Variants in SCD5 observed in about 807,000 individuals in gnomAD.
SCD5 encodes the protein acyl-CoA-desaturase 4.
In SCD5, 20 loss-of-function variants were observed where a neutral mutation model predicts 30.4. The ratio of observed to expected loss-of-function variants is 0.66; its 90% CI spans 0.46 to 0.96. The LOEUF (loss-of-function observed/expected upper bound fraction) is 0.96. SCD5 is among the 40% of genes least tolerant of loss of function. The pLI, the probability that SCD5 is intolerant of heterozygous loss-of-function variation, is 0.00. For synonymous variants in SCD5, 173 were observed against 176.4 expected (o/e 0.98, Z 0.16); for missense variants, 381 against 443.3 (o/e 0.86, Z 1.26).
At chr4:82,730,401 A>AT (rs1443466561) in intron 1 of SCD5, among the ~76,000 whole-genome samples, 1 of 150,522 alleles carries the variant, frequency 6.6e-6, no homozygotes, top group African/African-American at 2.4e-5. Context: ...GGTTCAAGCA[A>AT]TTCTCCTGCC....
intron 2 of SCD5, among the ~76,000 whole-genome samples, chr4:82,683,040 T>C (rs947240926): frequency 1.3e-5 from 2 of 152,120 alleles, no homozygotes; most frequent in Admixed American, 1.3e-4. Context: ...GGTCGAAAAT[T>C]TTAAAAATCC....
In SCD5 at chr4:82,649,180, GGTGTGTGTGTGT is replaced by G. The variant is rs55991339; in HGVS notation, c.570-12369_570-12358del. On this transcript the variant is annotated intron_variant, in intron 3 of 4. Coordinates refer to ENST00000319540, the MANE Select transcript of SCD5 (RefSeq NM_001037582.3). Reference sequence around the variant, plus strand: ...TCTCCAGCATAAATAGGGTGAGAGGGGTGTGTGTGTGTGTGTGTGTGTGTGTGTGTGTGTGTG... The same window carrying G: ...TCTCCAGCATAAATAGGGTGAGAGGGGTGTGTGTGTGTGTGTGTGTGTGTG... Among the ~76,000 whole-genome samples, 111 of 144,114 alleles carry G rather than the reference GGTGTGTGTGTGT, an allele frequency of 7.7e-4. 1 individual carries two copies. The highest frequency in any genetic ancestry group is 2.1e-3 in the East Asian group (10 of 4,856). 94.5% of individuals were successfully genotyped at this position (144,114 alleles called of 152,430 possible).
At chr4:82,642,562 G>A (rs1727567085) in intron 3 of SCD5, among the ~76,000 whole-genome samples, 1 of 152,164 alleles carries the variant, frequency 6.6e-6, no homozygotes, top group Non-Finnish European at 1.5e-5. Flanking sequence ...GCATCAGTCT[G>A]AACATCACTT....
At chr4:82,708,924 A>T (rs1720022341) in intron 1 of SCD5, among the ~76,000 whole-genome samples, 1 of 152,208 alleles carries the variant, frequency 6.6e-6, no homozygotes, top group South Asian at 2.1e-4. Flanking sequence ...AATAATATTG[A>T]CTGAGAGCTT....
At chr4:82,668,580 G>A (rs191071750) in intron 3 of SCD5, among the ~76,000 whole-genome samples, 67 of 152,346 alleles carry the variant, frequency 4.4e-4, no homozygotes, top group Non-Finnish European at 2.5e-4. Flanking sequence ...GAAAGAAGCC[G>A]ACTTCGCTGA....
At chr4:82,709,659 G>A (rs1448970797) in intron 1 of SCD5, among the ~76,000 whole-genome samples, 1 of 152,180 alleles carries the variant, frequency 6.6e-6, no homozygotes, top group African/African-American at 2.4e-5. Context: ...TGGATGGAAG[G>A]AAACATCAAA....
chr4:82,749,348 T>C (rs928461887), intron 1 of SCD5, among the ~76,000 whole-genome samples: 22 of 152,150 alleles, frequency 1.4e-4, no homozygotes, highest in African/African-American at 5.1e-4. Context: ...CTCACCCTGG[T>C]AGGGAAAAAG....
At chr4:82,712,297 T>TATACACATATA (rs1560540874) in intron 1 of SCD5, among the ~76,000 whole-genome samples, 1 of 33,766 alleles carries the variant, frequency 3.0e-5, no homozygotes, top group Non-Finnish European at 6.3e-5. Context: ...TATATATATA[T>TATACACATATA]TTTATTTTTA....
At chr4:82,639,908 T>C (rs1727506293) in intron 3 of SCD5, among the ~76,000 whole-genome samples, 1 of 152,166 alleles carries the variant, frequency 6.6e-6, no homozygotes. Context: ...CCATCTTGCT[T>C]CTGAAAGAAG....
intron 1 of SCD5, among the ~76,000 whole-genome samples, chr4:82,763,562 TCTGA>T (rs1473968652): frequency 2.0e-5 from 3 of 152,158 alleles, no homozygotes; most frequent in Non-Finnish European, 4.4e-5. Context: ...TGTCACCCAA[TCTGA>T]CTGGCATCAT....
At chr4:82,765,051 T>G (rs1237645165) in intron 1 of SCD5, among the ~76,000 whole-genome samples, 2 of 152,180 alleles carry the variant, frequency 1.3e-5, no homozygotes, top group African/African-American at 4.8e-5. Flanking sequence ...ATACGAAAAT[T>G]TATTTTATAT....
At chr4:82,710,947 C>G (rs1033358679) in intron 1 of SCD5, among the ~76,000 whole-genome samples, 1 of 152,062 alleles carries the variant, frequency 6.6e-6, no homozygotes, top group Admixed American at 6.6e-5. Flanking sequence ...AATACAGCAT[C>G]ATGGCTAAAA....
At chr4:82,640,474 T>C (rs925424725) in intron 3 of SCD5, among the ~76,000 whole-genome samples, 1 of 152,218 alleles carries the variant, frequency 6.6e-6, no homozygotes, top group Non-Finnish European at 1.5e-5. Context: ...TTCCCTGTAA[T>C]CGGCTAGGAT....
intron 3 of SCD5, among the ~76,000 whole-genome samples, chr4:82,654,952 T>C (rs1727840062): frequency 6.6e-6 from 1 of 152,228 alleles, no homozygotes; most frequent in Non-Finnish European, 1.5e-5. Context: ...AAAAGAAGTC[T>C]TAACTGAGAA....
At chr4:82,694,110 C>T (rs556955443) in intron 2 of SCD5, among the ~76,000 whole-genome samples, 3 of 152,342 alleles carry the variant, frequency 2.0e-5, no homozygotes, top group Admixed American at 6.5e-5. Context: ...CCTCTGCCAC[C>T]GTCCTCTGTA....
intron 1 of SCD5, among the ~76,000 whole-genome samples, chr4:82,768,713 G>C (rs1475773792): frequency 6.6e-6 from 1 of 152,186 alleles, no homozygotes; most frequent in Non-Finnish European, 1.5e-5. Context: ...GCGAGTCAAA[G>C]AAGAATGAAA....
chr4:82,794,960 C>G (rs1358541960), intron 1 of SCD5, among the ~76,000 whole-genome samples: 2 of 152,018 alleles, frequency 1.3e-5, no homozygotes, highest in African/African-American at 2.4e-5. Context: ...CGCTTTCTGT[C>G]CTTGAAAGTC....
At position 82,664,997 on chromosome 4, in the gene SCD5, C is replaced by CTATA. The variant is rs1434283229; in HGVS notation, c.569+15709_569+15710insTATA. Among the ~76,000 whole-genome samples, 402 of 79,356 alleles carry CTATA rather than the reference C, an allele frequency of 5.1e-3. 1 individual carries two copies. Among genetic ancestry groups the CTATA allele is most frequent in the East Asian group, 8.2e-3 (23 of 2,788 alleles). 52.1% of individuals were successfully genotyped at this position (79,356 alleles called of 152,430 possible). On this transcript the variant is annotated intron_variant, in intron 3 of 4. Coordinates refer to ENST00000319540, the MANE Select transcript of SCD5 (RefSeq NM_001037582.3). ...TCTCTCTCTCTCTCTCTCTCTCTCT[C>CTATA]TCTATATATATATATATATATATGT...
chr4:82,666,172 G>A (rs1393568639), intron 3 of SCD5, among the ~76,000 whole-genome samples: 1 of 151,936 alleles, frequency 6.6e-6, no homozygotes, highest in Non-Finnish European at 1.5e-5. Context: ...TACCATATGG[G>A]AAAAAAGAAG....
Sources: allele counts gnomAD v4.1 joint callset (sites outside exome capture counted in the v4.1 genomes callset), GRCh38; gene constraint gnomAD v4.1.1; transcripts MANE v1.5; gene names NCBI Gene and HGNC (gene_info 2026-07-23, HGNC 2026-07-21).